Variants in ANK2 observed in about 807,000 individuals in gnomAD.
ANK2 encodes ankyrin 2, also known as ankyrin-2.
Under a neutral mutation model 360.5 loss-of-function variants are expected in ANK2, and 83 were observed. That is an observed-to-expected ratio of 0.23 (90% CI 0.19 to 0.28). The LOEUF (loss-of-function observed/expected upper bound fraction) is 0.28, where lower values mean the gene tolerates loss of function less well. Among genes scored for constraint, ANK2 ranks in the 10% least tolerant of loss-of-function variants. ANK2 has a pLI of 1.00. For synonymous variants in ANK2, 1,740 were observed against 1,759.5 expected (o/e 0.99, Z 0.28); for missense variants, 4,201 against 4,795.7 (o/e 0.88, Z 3.66).
chr4:113,187,793 T>G (rs919847004), intron 2 of ANK2, among the ~76,000 whole-genome samples: 1 of 152,300 alleles, frequency 6.6e-6, no homozygotes, highest in African/African-American at 2.4e-5. Flanking sequence ...TGACACATAA[T>G]AGATATCCAA....
chr4:112,828,037 G>C (rs1199139156), intron 1 of ANK2, among the ~76,000 whole-genome samples: 2 of 152,004 alleles, frequency 1.3e-5, no homozygotes, highest in Non-Finnish European at 2.9e-5. Flanking sequence ...AATAGAACAG[G>C]TTAGAGAACA....
Position 113,101,351 on chromosome 4 carries a change from C to T in ANK2, c.84+51539C>T, listed in dbSNP as rs115978759. Among the ~76,000 whole-genome samples the T allele has an allele frequency of 3.7e-3, 566 of 152,138 alleles. 6 individuals are homozygous for T. The highest frequency in any genetic ancestry group is 0.013 in the African/African-American group (549 of 41,530). On this transcript the variant is annotated intron_variant, in intron 1 of 45. Transcript: ENST00000357077. Reference sequence around the variant, plus strand: ...TGACTAAATACAGAGTAACTTTTTGCAGAGATAGTATTTCTTCTAGCTGTA... The same window carrying T: ...TGACTAAATACAGAGTAACTTTTTGTAGAGATAGTATTTCTTCTAGCTGTA...
the ANK2 span, among the ~76,000 whole-genome samples, chr4:112,719,726 CAAAAA>C: frequency 2.0e-5 from 2 of 101,592 alleles, no homozygotes. Context: ...GACTCCGACT[CAAAAA>C]AAAAAAAAAA....
chr4:112,786,836 C>T, the ANK2 span, among the ~76,000 whole-genome samples: 1 of 151,190 alleles, frequency 6.6e-6, no homozygotes. Flanking sequence ...GCAGCCTCCA[C>T]CTCCCAGGTT....
At chr4:113,071,890 G>A (rs936262114) in intron 1 of ANK2, 5 of 152,274 alleles carry the variant, frequency 3.3e-5, no homozygotes, top group Admixed American at 2.6e-4. Flanking sequence ...GGCGAAAAGG[G>A]AAGCAAACAC....
At chr4:112,925,929 G>C (rs1189097880) in intron 2 of ANK2, among the ~76,000 whole-genome samples, 1 of 152,132 alleles carries the variant, frequency 6.6e-6, no homozygotes, top group Admixed American at 6.6e-5. Context: ...GTAAAGTCAG[G>C]CATTAATAGT....
At chr4:113,044,382 C>A (rs2154316938) in intron 2 of ANK2, among the ~76,000 whole-genome samples, 1 of 152,284 alleles carries the variant, frequency 6.6e-6, no homozygotes, top group East Asian at 1.9e-4. Flanking sequence ...GGTTTATTAA[C>A]TAGGCTTCAA....
intron 14 of ANK2, among the ~76,000 whole-genome samples, chr4:113,271,661 A>G (rs2058586137): frequency 1.3e-5 from 2 of 152,168 alleles, no homozygotes; most frequent in African/African-American, 4.8e-5. Flanking sequence ...TAGAAATAAT[A>G]TCTCATGGGT....
intron 4 of ANK2, among the ~76,000 whole-genome samples, chr4:113,230,463 C>T (rs536057247): frequency 1.3e-5 from 2 of 151,228 alleles, no homozygotes; most frequent in African/African-American, 4.9e-5. Context: ...TGCAGTGAGC[C>T]AAGATTGCAC....
intron 2 of ANK2, among the ~76,000 whole-genome samples, chr4:113,025,999 C>G (rs912241001): frequency 6.6e-6 from 1 of 152,032 alleles, no homozygotes; most frequent in Non-Finnish European, 1.5e-5. Context: ...ATAAATGAAA[C>G]TGGTTGGGCC....
upstream of ANK2, among the ~76,000 whole-genome samples, chr4:113,046,899 C>T (rs1334156929): frequency 6.6e-6 from 1 of 152,196 alleles, no homozygotes; most frequent in African/African-American, 2.4e-5. Context: ...AATTCATAAA[C>T]TGTTGAAATA....
chr4:113,078,288 A>G (rs952912667), intron 1 of ANK2, among the ~76,000 whole-genome samples: 1 of 152,214 alleles, frequency 6.6e-6, no homozygotes, highest in African/African-American at 2.4e-5. Context: ...ATCACCACTT[A>G]AAGTGAACCC....
intron 1 of ANK2, chr4:112,880,905 C>T (rs2076529221): frequency 6.6e-6 from 1 of 152,124 alleles, no homozygotes; most frequent in Non-Finnish European, 1.5e-5. Flanking sequence ...CCTAGACAAT[C>T]CCTCAATTGC....
the ANK2 span, among the ~76,000 whole-genome samples, chr4:112,800,918 G>C: frequency 4.6e-5 from 7 of 152,134 alleles, no homozygotes; most frequent in African/African-American, 1.2e-4. Flanking sequence ...ACCTCCCAAA[G>C]TGCTGGGATC....
At chr4:113,234,550 A>AG (rs1340344768) in intron 5 of ANK2, among the ~76,000 whole-genome samples, 1 of 152,150 alleles carries the variant, frequency 6.6e-6, no homozygotes, top group Non-Finnish European at 1.5e-5. Context: ...TAAAAAAAAA[A>AG]TAATGTTTTT....
At chr4:112,726,443 A>G in the ANK2 span, among the ~76,000 whole-genome samples, 1 of 152,160 alleles carries the variant, frequency 6.6e-6, no homozygotes, top group Non-Finnish European at 1.5e-5. Context: ...GAACATTCGT[A>G]TTGGAGATAG....
chr4:112,756,237 C>CA, the ANK2 span, among the ~76,000 whole-genome samples: 3,143 of 119,556 alleles, frequency 0.026, 65 homozygotes, highest in Middle Eastern at 0.046. Context: ...GACTCTGTCT[C>CA]AAAAAAAAAA....
chr4:112,872,974 A>G (rs1248180138), intron 1 of ANK2, among the ~76,000 whole-genome samples: 3 of 151,824 alleles, frequency 2.0e-5, no homozygotes, highest in African/African-American at 4.8e-5. Flanking sequence ...GAATTTTTCT[A>G]TTTAATCTGA....
intron 2 of ANK2, among the ~76,000 whole-genome samples, chr4:113,013,405 A>G (rs2055444358): frequency 6.6e-6 from 1 of 152,174 alleles, no homozygotes; most frequent in South Asian, 2.1e-4. Flanking sequence ...AGGACTCCAA[A>G]AATTATATTA....
Sources: gnomAD v4.1 joint callset for allele counts (sites outside exome capture counted in the v4.1 genomes callset) on GRCh38, gnomAD v4.1.1 for gene constraint, MANE v1.5 for transcripts, NCBI Gene and HGNC (gene_info 2026-07-23, HGNC 2026-07-21) for gene names.